HOMER3: variants seen among roughly 807,000 people sequenced by gnomAD.
HOMER3 encodes the protein homer protein homolog 3.
HOMER3 carries 34 observed loss-of-function variants against 45.5 expected under a neutral mutation model. That is an observed-to-expected ratio of 0.75 (90% CI 0.57 to 1.00). The LOEUF (loss-of-function observed/expected upper bound fraction) is 1.00, where lower values mean the gene tolerates loss of function less well. Among genes scored for constraint, HOMER3 ranks in the 50% least tolerant of loss-of-function variants. HOMER3 has a pLI of 0.00. For synonymous variants in HOMER3, 223 were observed against 208.8 expected (o/e 1.07, Z -0.58); for missense variants, 480 against 497.5 (o/e 0.96, Z 0.33).
At chr19:18,934,475 C>T (rs2057070941) in intron 4 of HOMER3, 65 bp from the exon 5 acceptor site, 1 of 960,736 alleles carries the variant, frequency 1.0e-6, no homozygotes, top group African/African-American at 1.7e-5. Context: ...GTCACCATCA[C>T]TCAGTGACAG....
intron 9 of HOMER3, among the ~76,000 whole-genome samples, chr19:18,930,955 C>T (rs1028596187): frequency 2.0e-5 from 3 of 151,978 alleles, no homozygotes; most frequent in Admixed American, 6.6e-5. Context: ...TTGCAGTGAG[C>T]TGAGATCGTG....
intron 6 of HOMER3, 48 bp from the exon 7 acceptor site, chr19:18,932,180 G>A (rs566579427): frequency 5.0e-4 from 737 of 1,473,546 alleles, no homozygotes; most frequent in Non-Finnish European, 6.3e-4. Context: ...GCTGGGGGGC[G>A]GAGTCGGGCG....
In HOMER3 at chr19:18,932,962, G is replaced by A. The variant is rs759998739; in HGVS notation, c.495C>T (p.Pro165=). Residue 165 remains proline, a synonymous_variant, in exon 6 of 10, where the codon CCC becomes CCT. Coordinates refer to ENST00000392351, the MANE Select transcript of HOMER3 (RefSeq NM_004838.4). ...TCTTCTTTAGCCGCTCGCGCTCTGTGGGGCCGGGGGCATCAGCGCTCTGGC... is the reference window on the plus strand; with the variant it reads ...TCTTCTTTAGCCGCTCGCGCTCTGTAGGGCCGGGGGCATCAGCGCTCTGGC... ...FRSQSADAPG[P]TERERLKKML... 3.4e-6 allele frequency: 5 copies of A among 1,453,318 alleles called. No individual in the cohort carries two copies. The highest frequency in any genetic ancestry group is 3.6e-6 in the Non-Finnish European group (4 of 1,101,758). The allele number at this position is 1,453,318 out of a possible 1,614,324, so 90.0% of individuals were successfully genotyped here. A position where few individuals can be genotyped will look rare whatever the true frequency, so the allele number is the denominator to read the frequency against.
intron 6 of HOMER3, among the ~76,000 whole-genome samples, 155 bp from the exon 7 acceptor site, chr19:18,932,287 TA>T (rs1486915954): frequency 1.1e-5 from 1 of 89,112 alleles, no homozygotes; most frequent in Non-Finnish European, 2.1e-5. Context: ...GAAGTTGGAC[TA>T]GGGGGCGGGG....
chr19:18,936,805 C>T (rs185768119), intron 4 of HOMER3, among the ~76,000 whole-genome samples: 9 of 151,242 alleles, frequency 6.0e-5, no homozygotes, highest in African/African-American at 1.7e-4. Context: ...CTGGCTAACA[C>T]GGTGAAACCC....
Position 18,929,555 on chromosome 19 carries a change from C to G in HOMER3, c.974G>C (p.Arg325Pro). Reference sequence around the variant, plus strand: ...GCCCACCTCAGCCCGCGCCCGCTCCCGCTCTGCCCGTGCCTCCTCCAGGCT... The same window carrying G: ...GCCCACCTCAGCCCGCGCCCGCTCCGGCTCTGCCCGTGCCTCCTCCAGGCT... ...ERSLEEARAE[R>P]ERARAEVGRA... is the part of the protein sequence containing the mutation. The change falls in exon 10 of 10, where the codon CGG (arginine) becomes CCG (proline). Residue 325 changes from arginine (R) to proline (P), a missense_variant. Transcript: ENST00000392351. The G allele has an allele frequency of 6.4e-7, 1 of 1,552,414 alleles. No individual in the cohort carries two copies. The highest frequency in any genetic ancestry group is 8.7e-7 in the Non-Finnish European group (1 of 1,150,072).
At chr19:18,933,551 A>C (rs1391330878) in intron 5 of HOMER3, among the ~76,000 whole-genome samples, 1 of 152,170 alleles carries the variant, frequency 6.6e-6, no homozygotes, top group Non-Finnish European at 1.5e-5. Flanking sequence ...TGCAGGCAGC[A>C]GCTGGAGGCT....
chr19:18,929,405 T>A lies in HOMER3; in HGVS notation c.*38A>T. 1 of 1,576,680 alleles carries A rather than the reference T, an allele frequency of 6.3e-7. No homozygotes were observed. Among genetic ancestry groups the A allele is most frequent in the Non-Finnish European group, 8.6e-7 (1 of 1,161,690 alleles). On this transcript the variant is annotated 3_prime_UTR_variant, in exon 10 of 10. Coordinates refer to ENST00000392351, the MANE Select transcript of HOMER3 (RefSeq NM_004838.4). ...TATGCCGCCTGCAGCCTGGCCCGCA[T>A]CCCAGGCCGGAATCGTTCATAGAAA...
intron 4 of HOMER3, among the ~76,000 whole-genome samples, chr19:18,937,058 C>T (rs1377922233): frequency 6.6e-6 from 1 of 151,404 alleles, no homozygotes; most frequent in Non-Finnish European, 1.5e-5. Flanking sequence ...GTAATCCCAG[C>T]ACTTTAGGAG....
chr19:18,938,492 C>G lies in HOMER3; in HGVS notation c.172-8G>C, dbSNP rs745896344. The G allele has an allele frequency of 3.1e-6, 5 of 1,610,622 alleles. No homozygotes were observed. In the East Asian group the frequency reaches 1.1e-4, roughly 36 times the overall value. ...AGTGCTGTTGATGATGGCCTAGGGTCGGGGAACAAAGTTCAAGGTAGATGG... is the reference window on the plus strand; with the variant it reads ...AGTGCTGTTGATGATGGCCTAGGGTGGGGGAACAAAGTTCAAGGTAGATGG... On this transcript the variant is annotated splice_polypyrimidine_tract_variant and splice_region_variant and intron_variant, in intron 3 of 9. Coordinates refer to ENST00000392351, the MANE Select transcript of HOMER3 (RefSeq NM_004838.4).
chr19:18,934,344 C>T lies in HOMER3; in HGVS notation c.370G>A (p.Gly124Arg), dbSNP rs538333527. 18 of 1,588,166 alleles carry T rather than the reference C, an allele frequency of 1.1e-5. No homozygotes were observed. Among genetic ancestry groups the T allele is most frequent in the African/African-American group, 5.4e-5 (4 of 73,584 alleles). ...RLAREKSQDGGELTSPALGLA... is the reference protein window; with the variant it reads ...RLAREKSQDGRELTSPALGLA... ...CCCAGGGCTGGACTGGTGAGCTCCC[C>T]GCCATCCTGAGATTTCTCCCTGGCC... Residue 124 changes from glycine (G) to arginine (R), a missense_variant, in exon 5 of 10, where the codon GGG becomes AGG. Gly to Arg is a moderately radical substitution (Grantham distance 125). Transcript: ENST00000392351.
chr19:18,932,588 CTG>C (rs2057048351), intron 6 of HOMER3, among the ~76,000 whole-genome samples: 1 of 151,652 alleles, frequency 6.6e-6, no homozygotes, highest in African/African-American at 2.4e-5. Context: ...CCCAGTGACA[CTG>C]TGGGAATGTT....
chr19:18,933,602 C>T lies in HOMER3; in HGVS notation c.412-557G>A, dbSNP rs187323928. Among the ~76,000 whole-genome samples the T allele has an allele frequency of 1.0e-3, 156 of 152,298 alleles. 2 individuals are homozygous for T. Among genetic ancestry groups the T allele is most frequent in the African/African-American group, 3.5e-3 (147 of 41,560 alleles). On this transcript the variant is annotated intron_variant, in intron 5 of 9. Transcript: ENST00000392351. ...CTCTCCAACCCCTGTGCACAGCCCT[C>T]GGCCTGGTACACAGCAGGTGCTCAA... is the stretch of plus-strand genomic sequence containing the variant.
chr19:18,929,450 G>T lies in HOMER3; in HGVS notation c.1079C>A (p.Ala360Glu), dbSNP rs760768013. Residue 360 changes from alanine to glutamate, a missense_variant, in exon 10 of 10, where the codon GCG becomes GAG. By Grantham distance (107) the Ala-to-Glu change is moderately radical (BLOSUM62 -1). Coordinates refer to ENST00000392351, the MANE Select transcript of HOMER3 (RefSeq NM_004838.4). ...REGLARLAEA[A>E]P Reference sequence around the variant, plus strand: ...TAGAAAACCAGCCCCGGCTCAGGGCGCAGCCTCAGCCAGGCGGGCCAGGCC... The same window carrying T: ...TAGAAAACCAGCCCCGGCTCAGGGCTCAGCCTCAGCCAGGCGGGCCAGGCC... 1 of 1,591,836 alleles carries T rather than the reference G, an allele frequency of 6.3e-7. No homozygotes were observed. Among genetic ancestry groups the T allele is most frequent in the African/African-American group, 1.3e-5 (1 of 74,276 alleles).
At chr19:18,929,700 G>A in intron 9 of HOMER3, 66 bp from the exon 10 acceptor site, 2 of 1,330,422 alleles carry the variant, frequency 1.5e-6, no homozygotes, top group Admixed American at 5.5e-5. Flanking sequence ...GAGGCATCCA[G>A]AGTCTGACCA....
intron 7 of HOMER3, 81 bp from the exon 8 acceptor site, chr19:18,931,706 T>G (rs1030981734): frequency 1.3e-6 from 2 of 1,519,206 alleles, no homozygotes; most frequent in Non-Finnish European, 1.8e-6. Context: ...ATCTGCCTCC[T>G]GTCTGGCCAC....
chr19:18,934,507 C>T (rs1453103607), intron 4 of HOMER3, 97 bp from the exon 5 acceptor site: 2 of 610,780 alleles, frequency 3.3e-6, no homozygotes, highest in East Asian at 3.4e-5. Flanking sequence ...TCGAACCGTA[C>T]CCATCCCCTT....
At chr19:18,938,203 G>T (rs2057114999) in intron 4 of HOMER3, 150 bp downstream of exon 4, 6 of 800,130 alleles carry the variant, frequency 7.5e-6, no homozygotes, top group African/African-American at 1.7e-5. Flanking sequence ...AACCGGGGAA[G>T]CTTAAAGGGG....
chr19:18,929,844 G>C (rs1024621824), intron 9 of HOMER3, among the ~76,000 whole-genome samples: 1 of 152,008 alleles, frequency 6.6e-6, no homozygotes, highest in Admixed American at 6.6e-5. Flanking sequence ...AAGGAGTTTC[G>C]CTCTTGTCGC....
Sources: gnomAD v4.1 joint callset for allele counts (sites outside exome capture counted in the v4.1 genomes callset) on GRCh38, gnomAD v4.1.1 for gene constraint, MANE v1.5 for transcripts, NCBI Gene and HGNC (gene_info 2026-07-23, HGNC 2026-07-21) for gene names.